The following PRKDC variants were observed in gnomAD, a reference collection of about 807,000 sequenced individuals.
PRKDC encodes DNA-dependent protein kinase catalytic subunit.
A neutral mutation model predicts 486.9 loss-of-function variants in PRKDC; 82 were observed. The ratio of observed to expected loss-of-function variants is 0.17; its 90% CI spans 0.14 to 0.20. PRKDC has a LOEUF of 0.20. PRKDC is among the 10% of genes least tolerant of loss of function. PRKDC has a pLI of 1.00. For missense variants in PRKDC, 4,504 were observed against 5,038.2 expected (o/e 0.89, Z 3.21); for synonymous variants, 1,895 against 1,837.0 (o/e 1.03, Z -0.81).
In PRKDC at chr8:47,799,216, C is replaced by T; in HGVS notation, c.10291G>A (p.Ala3431Thr). 6.2e-7 allele frequency: 1 copy of T among 1,613,836 alleles called. No individual in the cohort carries two copies. The highest frequency in any genetic ancestry group is 8.5e-7 in the Non-Finnish European group (1 of 1,179,864). ...TTTTTAATTTTCAATTCACCTGATGCATTCTCTTCCTCCTTGCGCAGCTGT... is the reference window on the plus strand; with the variant it reads ...TTTTTAATTTTCAATTCACCTGATGTATTCTCTTCCTCCTTGCGCAGCTGT... ...DQQLRKEEEN[A>T]SVIDSAELQA... Residue 3431 changes from alanine (A) to threonine (T), a missense_variant, in exon 72 of 86, where the codon GCA becomes ACA. By Grantham distance (58) the Ala-to-Thr change is moderately conservative. This residue lies in a region of PRKDC where 706 missense variants were observed against 945.0 expected (regional missense o/e 0.75). Coordinates refer to ENST00000314191, the MANE Select transcript of PRKDC (RefSeq NM_006904.7).
In PRKDC at chr8:47,854,139, G is replaced by A. The variant is rs370793247; in HGVS notation, c.6837C>T (p.Ile2279=). Residue 2279 remains isoleucine (I), a synonymous_variant, in exon 51 of 86, where the codon ATC becomes ATT. Coordinates refer to ENST00000314191, the MANE Select transcript of PRKDC (RefSeq NM_006904.7). The part of the protein sequence containing the change: ...DNSVGIQLLG[I]VMANDLPPYD... The stretch of plus-strand genomic sequence containing the variant: ...AGGGAGGCAGGTCATTGGCCATCAC[G>A]ATGCCTAGCAATTGAATCCCTACTG... 20 of 1,613,738 alleles carry A rather than the reference G, an allele frequency of 1.2e-5. No individual in the cohort carries two copies. In the African/African-American group the frequency reaches 2.1e-4, roughly 17 times the overall value.
intron 42 of PRKDC, 123 bp from the exon 43 acceptor site, chr8:47,862,664 G>C (rs996475406): frequency 1.1e-6 from 1 of 914,318 alleles, no homozygotes; most frequent in Non-Finnish European, 1.6e-6. Flanking sequence ...GCTTGTGCCA[G>C]GCAGAGTATT....
At chr8:47,940,168 TCATCA>T (rs2090419980) in intron 10 of PRKDC, among the ~76,000 whole-genome samples, 1 of 151,982 alleles carries the variant, frequency 6.6e-6, no homozygotes, top group African/African-American at 2.4e-5. Context: ...ACTTCAGACG[TCATCA>T]ATAAATAGAG....
chr8:47,856,376 C>T (rs1030336744), intron 49 of PRKDC, among the ~76,000 whole-genome samples: 1 of 152,086 alleles, frequency 6.6e-6, no homozygotes, highest in Non-Finnish European at 1.5e-5. Flanking sequence ...TATAGACATG[C>T]AGCACCATGT....
intron 30 of PRKDC, among the ~76,000 whole-genome samples, chr8:47,893,982 T>C (rs2089520685): frequency 6.6e-6 from 1 of 152,158 alleles, no homozygotes; most frequent in African/African-American, 2.4e-5. Context: ...CTCTGATGTA[T>C]TAAAAACAGA....
intron 62 of PRKDC, 76 bp from the exon 63 acceptor site, chr8:47,826,937 TACTAA>T: frequency 1.4e-6 from 2 of 1,383,094 alleles, no homozygotes; most frequent in Non-Finnish European, 1.9e-6. Context: ...TAACATACTT[TACTAA>T]ACATAAAAGG....
intron 7 of PRKDC, among the ~76,000 whole-genome samples, chr8:47,950,317 C>G (rs929036891): frequency 1.3e-5 from 2 of 149,482 alleles, no homozygotes; most frequent in Non-Finnish European, 3.0e-5. Context: ...GGAGCTTTTT[C>G]CCTCCCCTTA....
intron 21 of PRKDC, among the ~76,000 whole-genome samples, chr8:47,922,360 C>T (rs2090085872): frequency 6.6e-6 from 1 of 151,942 alleles, no homozygotes; most frequent in Admixed American, 6.5e-5. Flanking sequence ...TAATCCCAGC[C>T]ACTTGGGAAG....
chr8:47,923,064 T>G (rs1481494241), intron 21 of PRKDC, among the ~76,000 whole-genome samples: 1 of 151,844 alleles, frequency 6.6e-6, no homozygotes, highest in African/African-American at 2.4e-5. Context: ...TGAGAAGTCA[T>G]TCTTTTTTTT....
In PRKDC at chr8:47,927,801, G is replaced by A. The variant is rs750314401; in HGVS notation, c.2229C>T (p.Leu743=). The part of the protein sequence containing the change: ...LLSLPHNIIE[L]DVRAYVPALQ... The stretch of plus-strand genomic sequence containing the variant: ...GTGCAGGAACGTAGGCTCTAACATC[G>A]AGTTCAATGATGTTGTGTGGCAAGG... Residue 743 remains leucine (L), a synonymous_variant, in exon 20 of 86, where the codon CTC becomes CTT. Transcript: ENST00000314191. 20 of 1,583,356 alleles carry A rather than the reference G, an allele frequency of 1.3e-5. No homozygotes were observed. The highest frequency in any genetic ancestry group is 1.7e-4 in the Middle Eastern group (1 of 5,952).
At chr8:47,896,640 C>G (rs1293921375) in intron 30 of PRKDC, among the ~76,000 whole-genome samples, 2 of 149,266 alleles carry the variant, frequency 1.3e-5, no homozygotes, top group Admixed American at 6.6e-5. Flanking sequence ...GAGCGAGACT[C>G]CGTCTCAAAA....
intron 32 of PRKDC, among the ~76,000 whole-genome samples, chr8:47,890,047 CAA>C (rs2089425623): frequency 6.6e-6 from 1 of 151,908 alleles, no homozygotes; most frequent in Non-Finnish European, 1.5e-5. Context: ...TCTGACAATG[CAA>C]AGTTTTAGAA....
At chr8:47,940,641 A>C (rs1019646034) in intron 10 of PRKDC, among the ~76,000 whole-genome samples, 1 of 152,256 alleles carries the variant, frequency 6.6e-6, no homozygotes, top group Non-Finnish European at 1.5e-5. Flanking sequence ...ATTTTACTTA[A>C]TTACAGAATA....
intron 68 of PRKDC, among the ~76,000 whole-genome samples, chr8:47,817,002 A>C (rs752393408): frequency 6.6e-6 from 1 of 152,170 alleles, no homozygotes; most frequent in Non-Finnish European, 1.5e-5. Context: ...AGATGAGGAC[A>C]TGAACATGAC....
intron 7 of PRKDC, among the ~76,000 whole-genome samples, chr8:47,952,144 C>G (rs1256491960): frequency 3.3e-5 from 5 of 152,230 alleles, no homozygotes; most frequent in Non-Finnish European, 2.9e-5. Flanking sequence ...ACAGCAGGGA[C>G]TGCCAACAGA....
At chr8:47,834,837 C>G (rs1438648446) in intron 58 of PRKDC, among the ~76,000 whole-genome samples, 2 of 151,718 alleles carry the variant, frequency 1.3e-5, no homozygotes, top group Admixed American at 6.6e-5. Flanking sequence ...ACTACAGGCG[C>G]CCGCTACCAC....
intron 35 of PRKDC, among the ~76,000 whole-genome samples, chr8:47,886,459 G>A (rs1439989421): frequency 1.3e-5 from 2 of 151,884 alleles, no homozygotes; most frequent in East Asian, 1.9e-4. Flanking sequence ...GCACGATCTC[G>A]GCTCACTGCA....
rs534926333 is a variant in PRKDC at position 47,865,246 on chromosome 8, C to T, written c.5364-483G>A. Among the ~76,000 whole-genome samples, 8 of 152,142 alleles carry T rather than the reference C, an allele frequency of 5.3e-5. No homozygotes were observed. In the East Asian group the frequency reaches 1.2e-3, roughly 22 times the overall value. On this transcript the variant is annotated intron_variant, in intron 40 of 85. Transcript: ENST00000314191. The stretch of plus-strand genomic sequence containing the variant: ...ACTAAGAATACAAAAATTAGCTGGG[C>T]GTGGTGGTGTGCGCCTCTAGTCCCA...
chr8:47,887,327 A>G (rs2089358376), intron 35 of PRKDC, among the ~76,000 whole-genome samples: 1 of 152,212 alleles, frequency 6.6e-6, no homozygotes, highest in Non-Finnish European at 1.5e-5. Context: ...AAAGTGGGAT[A>G]GACAAAACCT....
Sources: allele counts gnomAD v4.1 joint callset (sites outside exome capture counted in the v4.1 genomes callset), GRCh38; gene constraint gnomAD v4.1.1; regional missense constraint gnomAD v4.1.1; transcripts MANE v1.5; gene names NCBI Gene and HGNC (gene_info 2026-07-23, HGNC 2026-07-21).